The following ARB2A variants were observed in gnomAD, a reference collection of about 807,000 sequenced individuals.
ARB2A encodes the protein cotranscriptional regulator ARB2A.
At chr5:94,017,811 T>C in the ARB2A span, among the ~76,000 whole-genome samples, 3 of 152,200 alleles carry the variant, frequency 2.0e-5, no homozygotes, top group Admixed American at 1.3e-4. Context: ...CATGGTGATA[T>C]GGTTTGGCTG....
chr5:93,993,376 T>C, the ARB2A span, among the ~76,000 whole-genome samples: 4 of 152,102 alleles, frequency 2.6e-5, no homozygotes, highest in African/African-American at 9.7e-5. Flanking sequence ...TTAAGAGAAA[T>C]GGCTCATTAA....
the ARB2A span, among the ~76,000 whole-genome samples, chr5:93,633,517 A>G: frequency 6.6e-6 from 1 of 152,156 alleles, no homozygotes; most frequent in African/African-American, 2.4e-5. Flanking sequence ...TGCTTGTATA[A>G]GTATCCCCTA....
chr5:93,905,676 C>T, the ARB2A span, among the ~76,000 whole-genome samples: 7 of 151,512 alleles, frequency 4.6e-5, no homozygotes, highest in Non-Finnish European at 1.0e-4. Flanking sequence ...TCTATTCCTT[C>T]TAACTCAGTT....
the ARB2A span, among the ~76,000 whole-genome samples, chr5:93,931,034 G>C: frequency 6.6e-6 from 1 of 152,102 alleles, no homozygotes; most frequent in Admixed American, 6.5e-5. Context: ...CCCTCCCTGT[G>C]TCCATGTGTT....
At chr5:94,032,760 G>A in the ARB2A span, among the ~76,000 whole-genome samples, 7 of 152,322 alleles carry the variant, frequency 4.6e-5, no homozygotes, top group South Asian at 1.5e-3. Flanking sequence ...AGTGAGAGAT[G>A]ATTCTGGAGT....
the ARB2A span, among the ~76,000 whole-genome samples, chr5:93,825,785 T>C: frequency 6.6e-6 from 1 of 151,964 alleles, no homozygotes; most frequent in Admixed American, 6.6e-5. Flanking sequence ...AACAATGTAA[T>C]ACTAAAAAAT....
chr5:93,824,295 A>T, the ARB2A span: 1 of 1,491,116 alleles, frequency 6.7e-7, no homozygotes, highest in African/African-American at 1.4e-5. Context: ...GTCATATATT[A>T]CATATTATAC....
the ARB2A span, among the ~76,000 whole-genome samples, chr5:93,871,289 A>C: frequency 6.6e-6 from 1 of 152,234 alleles, no homozygotes; most frequent in Non-Finnish European, 1.5e-5. Flanking sequence ...TATGTAACTA[A>C]GTGAAACAAT....
At chr5:93,916,623 C>G in the ARB2A span, among the ~76,000 whole-genome samples, 1 of 152,094 alleles carries the variant, frequency 6.6e-6, no homozygotes, top group Non-Finnish European at 1.5e-5. Flanking sequence ...GAGTCTCTGT[C>G]TTGGCTTCTT....
chr5:94,054,804 T>C, the ARB2A span, among the ~76,000 whole-genome samples: 5 of 152,204 alleles, frequency 3.3e-5, no homozygotes, highest in Admixed American at 6.5e-5. Context: ...CTCAATCACT[T>C]ATTTATATCA....
At chr5:93,682,591 C>T in the ARB2A span, among the ~76,000 whole-genome samples, 3 of 151,758 alleles carry the variant, frequency 2.0e-5, no homozygotes, top group African/African-American at 4.8e-5. Context: ...GTCTGACCAC[C>T]GCTAGTACTA....
chr5:93,702,007 TAA>T, the ARB2A span, among the ~76,000 whole-genome samples: 1 of 152,186 alleles, frequency 6.6e-6, no homozygotes, highest in Non-Finnish European at 1.5e-5. Flanking sequence ...GTTTTCAGAC[TAA>T]GAGTGGCAGG....
At chr5:93,635,742 T>C in the ARB2A span, among the ~76,000 whole-genome samples, 8 of 152,118 alleles carry the variant, frequency 5.3e-5, no homozygotes, top group East Asian at 1.5e-3. Context: ...GTCCGGCTAG[T>C]TTATATTAAC....
At chr5:94,072,438 G>A in the ARB2A span, among the ~76,000 whole-genome samples, 1 of 151,964 alleles carries the variant, frequency 6.6e-6, no homozygotes, top group African/African-American at 2.4e-5. Context: ...TAACAGTACT[G>A]TACCAATATC....
chr5:93,741,107 C>A, the ARB2A span: 1 of 1,613,926 alleles, frequency 6.2e-7, no homozygotes, highest in Non-Finnish European at 8.5e-7. Context: ...CCAAACAGAG[C>A]TCCCACAGCG....
the ARB2A span, among the ~76,000 whole-genome samples, chr5:94,088,799 G>A: frequency 6.6e-6 from 1 of 152,158 alleles, no homozygotes; most frequent in Non-Finnish European, 1.5e-5. Flanking sequence ...CTTTGAAGAT[G>A]TATAAGAAAT....
the ARB2A span, among the ~76,000 whole-genome samples, chr5:93,665,828 C>T: frequency 1.3e-5 from 2 of 152,170 alleles, no homozygotes; most frequent in African/African-American, 4.8e-5. Flanking sequence ...TGCATGTGTA[C>T]TCTCCACAGG....
At chr5:93,627,744 A>C in the ARB2A span, among the ~76,000 whole-genome samples, 2 of 151,942 alleles carry the variant, frequency 1.3e-5, no homozygotes, top group Non-Finnish European at 2.9e-5. Flanking sequence ...CCAGCCACAA[A>C]ATGTATTTCT....
chr5:93,979,817 C>T, the ARB2A span, among the ~76,000 whole-genome samples: 1 of 152,064 alleles, frequency 6.6e-6, no homozygotes, highest in South Asian at 2.1e-4. Context: ...ATTTCTCACT[C>T]TCTGGTATAA....
Sources: allele counts gnomAD v4.1 joint callset (sites outside exome capture counted in the v4.1 genomes callset), GRCh38; gene constraint gnomAD v4.1.1; transcripts MANE v1.5; gene names NCBI Gene and HGNC (gene_info 2026-07-23, HGNC 2026-07-21).